The following SPEN variants were observed in gnomAD, a reference collection of about 807,000 sequenced individuals.
SPEN encodes the protein spen family transcriptional repressor, also known as msx2-interacting protein.
A neutral mutation model predicts 269.9 loss-of-function variants in SPEN; 18 were observed. The observed-to-expected ratio is 0.07, with a 90% CI of 0.05 to 0.10. The LOEUF is 0.10. Among genes scored for constraint, SPEN ranks in the 10% least tolerant of loss-of-function variants. The probability of loss-of-function intolerance (pLI) is 1.00; values close to 1 mark genes in which losing one functional copy is unlikely to be tolerated. For synonymous variants in SPEN, 1,726 were observed against 1,765.7 expected (o/e 0.98, Z 0.56); for missense variants, 3,822 against 4,631.2 (o/e 0.83, Z 5.07).
At chr1:15,853,097 C>T (rs1200209316) in intron 1 of SPEN, among the ~76,000 whole-genome samples, 3 of 152,238 alleles carry the variant, frequency 2.0e-5, no homozygotes, top group Non-Finnish European at 2.9e-5. Context: ...AGTGATCCTC[C>T]CACCTTGGCC....
intron 1 of SPEN, among the ~76,000 whole-genome samples, chr1:15,849,654 T>C (rs894207401): frequency 2.6e-5 from 4 of 152,184 alleles, no homozygotes; most frequent in African/African-American, 9.6e-5. Context: ...TTCACCTCTG[T>C]GCCCTAGGAT....
chr1:15,848,225 C>T lies in SPEN; in HGVS notation c.83+75C>T. ...CCGCCCCGGCCCGTTGCCGGCCCCT[C>T]CCGGAGCGCGGAGCTGGTGAGGAGG... is the stretch of plus-strand genomic sequence containing the variant. On this transcript the variant is annotated intron_variant, in intron 1 of 14. Transcript: ENST00000375759. This position sits in a 1 kb window ranked among gnomAD's most constrained non-coding sequence, Gnocchi z 5.1. 1 of 1,133,482 alleles carries T rather than the reference C, an allele frequency of 8.8e-7. No individual in the cohort carries two copies. Among genetic ancestry groups the T allele is most frequent in the Non-Finnish European group, 1.2e-6 (1 of 830,104 alleles). 70.2% of individuals were successfully genotyped at this position (1,133,482 alleles called of 1,614,324 possible). A position where few individuals can be genotyped will look rare whatever the true frequency, so the allele number is the denominator to read the frequency against.
rs72882599 is a variant in SPEN at position 15,877,027 on chromosome 1, T to C, written c.881+349T>C. On this transcript the variant is annotated intron_variant, in intron 3 of 14. Coordinates refer to ENST00000375759, the MANE Select transcript of SPEN (RefSeq NM_015001.3). The stretch of plus-strand genomic sequence containing the variant: ...ATTTTGTAGGTGTATAATACCAATT[T>C]ATTTCTATTATTTTGATTGAAGATT... Among the ~76,000 whole-genome samples the C allele has an allele frequency of 7.2e-3, 1,097 of 152,342 alleles. 24 individuals carry two copies. The highest frequency in any genetic ancestry group is 0.025 in the African/African-American group (1,040 of 41,576).
At chr1:15,914,374 A>T (rs2071037015) in intron 5 of SPEN, among the ~76,000 whole-genome samples, 1 of 152,202 alleles carries the variant, frequency 6.6e-6, no homozygotes, top group Non-Finnish European at 1.5e-5. Context: ...AATTTTTTGG[A>T]TGGCTTTGTT....
intron 3 of SPEN, 64 bp downstream of exon 3, chr1:15,876,742 G>T: frequency 8.3e-7 from 1 of 1,206,298 alleles, no homozygotes; most frequent in East Asian, 2.3e-5. Context: ...AACAATCAGT[G>T]GGAATGGTTT....
At position 15,929,897 on chromosome 1, in the gene SPEN, TGA is replaced by T; in HGVS notation, c.3658_3659del (p.Asp1220Ter). On this transcript the variant is annotated frameshift_variant, in exon 11 of 15. Coordinates refer to ENST00000375759, the MANE Select transcript of SPEN (RefSeq NM_015001.3). LOFTEE classifies it high-confidence loss of function. The surrounding 1 kb of genome is among the most constrained non-coding windows in gnomAD (Gnocchi z 5.8). ...EVGKPPQDVT[D>X]DSPPSKKKRM... is the part of the protein sequence containing the mutation. ...TAGGCAAACCCCCTCAAGATGTCAC[TGA>T]TGACTCTCCTCCTAGCAAAAAGAAA... 1 of 1,614,188 alleles carries T rather than the reference TGA, an allele frequency of 6.2e-7. No homozygotes were observed. Among genetic ancestry groups the T allele is most frequent in the Admixed American group, 1.7e-5 (1 of 60,030 alleles).
chr1:15,879,913 G>A (rs1019138558), intron 3 of SPEN, among the ~76,000 whole-genome samples: 7 of 152,004 alleles, frequency 4.6e-5, no homozygotes, highest in Admixed American at 3.9e-4. Context: ...CTCGCCATCC[G>A]CCCGCCTCGA....
intron 3 of SPEN, among the ~76,000 whole-genome samples, chr1:15,878,841 C>T (rs958889752): frequency 6.6e-6 from 1 of 151,510 alleles, no homozygotes; most frequent in Admixed American, 6.6e-5. Context: ...GAAACCCTGT[C>T]TCTACTAAAA....
chr1:15,855,827 C>T (rs2070380779), intron 1 of SPEN, among the ~76,000 whole-genome samples: 1 of 150,994 alleles, frequency 6.6e-6, no homozygotes, highest in South Asian at 2.1e-4. Flanking sequence ...CATGCCATTG[C>T]ACTCCAGCCT....
rs749130807 is a variant in SPEN at position 15,874,137 on chromosome 1, TTGTC to T, written c.404+1004_404+1007del. On this transcript the variant is annotated intron_variant, in intron 2 of 14. Coordinates refer to ENST00000375759, the MANE Select transcript of SPEN (RefSeq NM_015001.3). Reference sequence around the variant, plus strand: ...TTTATGAATGTGGATAAATTTCTAATTGTCTGCTATCTCAAGAAAGAAGTCTGGG... The same window carrying T: ...TTTATGAATGTGGATAAATTTCTAATTGCTATCTCAAGAAAGAAGTCTGGG... The T allele has an allele frequency of 4.4e-6, 6 of 1,364,110 alleles. No homozygotes were observed. The South Asian group carries it at 4.6e-5, about 10-fold the overall frequency. 84.5% of individuals were successfully genotyped at this position (1,364,110 alleles called of 1,614,324 possible). A position where few individuals can be genotyped will look rare whatever the true frequency, so the allele number is the denominator to read the frequency against.
chr1:15,894,498 A>G (rs2070819589), intron 3 of SPEN, among the ~76,000 whole-genome samples: 1 of 147,272 alleles, frequency 6.8e-6, no homozygotes, highest in South Asian at 2.1e-4. Flanking sequence ...TGCTACTGTT[A>G]TTAGGACAGT....
rs540839640 is a variant in SPEN at position 15,920,830 on chromosome 1, G to C, written c.1636-40G>C. ...GTTGGGACTGACACTAAGTCCAGTG[G>C]ATGAGGCTCTTACTTGTTTTTTGTT... On this transcript the variant is annotated intron_variant, in intron 8 of 14. Coordinates refer to ENST00000375759, the MANE Select transcript of SPEN (RefSeq NM_015001.3). 526 of 1,243,566 alleles carry C rather than the reference G, an allele frequency of 4.2e-4. 11 individuals are homozygous for C. The South Asian group carries it at 6.5e-3, about 15-fold the overall frequency. The allele number at this position is 1,243,566 out of a possible 1,614,324, so 77.0% of individuals were successfully genotyped here. A position where few individuals can be genotyped will look rare whatever the true frequency, so the allele number is the denominator to read the frequency against.
At chr1:15,866,342 GT>G (rs1206143825) in intron 1 of SPEN, among the ~76,000 whole-genome samples, 1 of 151,900 alleles carries the variant, frequency 6.6e-6, no homozygotes, top group African/African-American at 2.4e-5. Flanking sequence ...GAATACATTA[GT>G]TTTTTTGTTT....
chr1:15,937,762 G>C lies in SPEN; in HGVS notation c.10510-50G>C. The C allele has an allele frequency of 6.2e-7, 1 of 1,611,134 alleles. No individual in the cohort carries two copies. Among genetic ancestry groups the C allele is most frequent in the Non-Finnish European group, 8.5e-7 (1 of 1,178,728 alleles). On this transcript the variant is annotated intron_variant, in intron 12 of 14. Transcript: ENST00000375759. The surrounding 1 kb of genome is among the most constrained non-coding windows in gnomAD (Gnocchi z 5.7). ...ACAGCCTCTGGCTGTGTCCAGCATG[G>C]CTCAGCGAGGGGCCATGAGCTCACT...
Position 15,853,017 on chromosome 1 carries a change from C to T in SPEN, c.83+4867C>T, listed in dbSNP as rs78276010. On this transcript the variant is annotated intron_variant, in intron 1 of 14. Coordinates refer to ENST00000375759, the MANE Select transcript of SPEN (RefSeq NM_015001.3). ...AACCACAGGTATGTGCCACCACACT[C>T]GACTAATTTTTTATAGGGATGGAAG... Among the ~76,000 whole-genome samples the T allele has an allele frequency of 2.3e-4, 35 of 152,092 alleles. No homozygotes were observed. The East Asian group carries it at 6.6e-3, about 29-fold the overall frequency.
intron 1 of SPEN, among the ~76,000 whole-genome samples, chr1:15,855,691 A>C (rs2070379234): frequency 6.6e-6 from 1 of 151,756 alleles, no homozygotes; most frequent in African/African-American, 2.4e-5. Context: ...GTGAAACCCT[A>C]TCTCTACTAA....
At chr1:15,875,543 T>G (rs2070622684) in intron 2 of SPEN, among the ~76,000 whole-genome samples, 3 of 152,282 alleles carry the variant, frequency 2.0e-5, no homozygotes, top group Admixed American at 6.5e-5. Context: ...ATTTTGATAC[T>G]TGAAGTGGTT....
At chr1:15,903,204 G>A (rs947609853) in intron 3 of SPEN, among the ~76,000 whole-genome samples, 1 of 152,098 alleles carries the variant, frequency 6.6e-6, no homozygotes, top group Non-Finnish European at 1.5e-5. Flanking sequence ...ATCATTATTT[G>A]GTTTATGAGA....
chr1:15,899,839 TTTTATTTTATTTA>T (rs1454187423), intron 3 of SPEN, among the ~76,000 whole-genome samples: 3 of 151,974 alleles, frequency 2.0e-5, no homozygotes, highest in Non-Finnish European at 4.4e-5. Flanking sequence ...TGTTTTATTT[TTTTATTTTATTTA>T]TTTATTTATT....
Sources: gnomAD v4.1 joint callset for allele counts (sites outside exome capture counted in the v4.1 genomes callset) on GRCh38, gnomAD v4.1.1 for gene constraint, Gnocchi (gnomAD v3.1) non-coding constraint, MANE v1.5 for transcripts, NCBI Gene and HGNC (gene_info 2026-07-23, HGNC 2026-07-21) for gene names.